Variants in ZFPM2 observed in about 807,000 individuals in gnomAD.
ZFPM2 encodes zinc finger protein, FOG family member 2.
In ZFPM2, 20 loss-of-function variants were observed where a neutral mutation model predicts 98.6. The observed-to-expected ratio is 0.20, with a 90% CI of 0.14 to 0.29. ZFPM2 has a LOEUF of 0.29. ZFPM2 is among the 10% of genes least tolerant of loss of function. The pLI is 1.00. For missense variants in ZFPM2, 1,310 were observed against 1,388.6 expected, an observed-to-expected ratio of 0.94 and a Z score of 0.90; for synonymous variants, 518 against 502.7, an observed-to-expected ratio of 1.03 and a Z score of -0.41.
At chr8:105,565,502 T>G (rs1815225346) in intron 4 of ZFPM2, among the ~76,000 whole-genome samples, 1 of 152,162 alleles carries the variant, frequency 6.6e-6, no homozygotes, top group African/African-American at 2.4e-5. Context: ...AATATTTATC[T>G]CCTTTGTTGC....
At chr8:105,721,259 G>C (rs747177175) in intron 5 of ZFPM2, among the ~76,000 whole-genome samples, 1 of 151,892 alleles carries the variant, frequency 6.6e-6, no homozygotes, top group African/African-American at 2.4e-5. Context: ...GAAAAAAATC[G>C]TGTTTAAGTG....
chr8:105,678,850 TAATAG>T (rs1368729031), intron 5 of ZFPM2: 1 of 152,182 alleles, frequency 6.6e-6, no homozygotes, highest in Non-Finnish European at 1.5e-5. Context: ...TAATGCAGCA[TAATAG>T]AATAGAAGCA....
chr8:105,634,555 T>C (rs1190162838), intron 5 of ZFPM2, among the ~76,000 whole-genome samples, 198 bp downstream of exon 5: 2 of 150,026 alleles, frequency 1.3e-5, no homozygotes, highest in African/African-American at 4.9e-5. Flanking sequence ...AAACAAAAAG[T>C]GACATACCAT....
Position 105,444,494 on chromosome 8 carries a change from T to C in ZFPM2, c.301+113T>C, listed in dbSNP as rs1812328626. On this transcript the variant is annotated intron_variant, in intron 3 of 7. Transcript: ENST00000407775. ...AAAAAATGTTTTTGTGTGTGCTGGT[T>C]ACATGAGAGTTTAAATAAAGATTAT... The C allele has an allele frequency of 1.5e-5, 9 of 592,804 alleles. No homozygotes were observed. In the South Asian group the frequency reaches 2.5e-4, roughly 17 times the overall value. 36.7% of individuals were successfully genotyped at this position (592,804 alleles called of 1,614,324 possible).
At chr8:105,496,827 A>G (rs1813478270) in intron 3 of ZFPM2, among the ~76,000 whole-genome samples, 1 of 150,014 alleles carries the variant, frequency 6.7e-6, no homozygotes, top group Non-Finnish European at 1.5e-5. Flanking sequence ...TACTAAAAAT[A>G]CAAAATTAGC....
At chr8:105,420,889 C>T (rs1303056094) in intron 2 of ZFPM2, among the ~76,000 whole-genome samples, 1 of 151,974 alleles carries the variant, frequency 6.6e-6, no homozygotes, top group Non-Finnish European at 1.5e-5. Context: ...TACCTTTTGT[C>T]AATTTAATTC....
chr8:105,786,709 T>A lies in ZFPM2; in HGVS notation c.533-2009T>A, dbSNP rs577765760. On this transcript the variant is annotated intron_variant, in intron 5 of 7. Coordinates refer to ENST00000407775, the MANE Select transcript of ZFPM2 (RefSeq NM_012082.4). ...TTATTTGAAGTTAGTATTTTTGAAT[T>A]TAATTTTACTTATTTACTAAATCTT... 4.8e-4 allele frequency among the ~76,000 whole-genome samples: 73 copies of A among 152,356 alleles called. 2 individuals carry two copies. The South Asian group carries it at 0.015, about 31-fold the overall frequency.
intron 5 of ZFPM2, among the ~76,000 whole-genome samples, chr8:105,644,738 T>G (rs1438491214): frequency 1.3e-5 from 2 of 152,156 alleles, no homozygotes; most frequent in African/African-American, 2.4e-5. Flanking sequence ...AGCTCTCTTC[T>G]GGGTTTGTGG....
At chr8:105,524,926 A>G (rs928555857) in intron 3 of ZFPM2, among the ~76,000 whole-genome samples, 1 of 152,172 alleles carries the variant, frequency 6.6e-6, no homozygotes, top group African/African-American at 2.4e-5. Flanking sequence ...TGGGTTATAA[A>G]TGATGCATTT....
intron 5 of ZFPM2, among the ~76,000 whole-genome samples, chr8:105,650,767 T>A (rs1212779306): frequency 6.6e-6 from 1 of 152,212 alleles, no homozygotes; most frequent in African/African-American, 2.4e-5. Context: ...TCTGTTCTTT[T>A]ACATTTGCTG....
intron 3 of ZFPM2, among the ~76,000 whole-genome samples, chr8:105,483,396 C>CA (rs1813162981): frequency 6.6e-6 from 1 of 151,886 alleles, no homozygotes; most frequent in African/African-American, 2.4e-5. Flanking sequence ...TCGAGACCAG[C>CA]TTGGCCAACA....
chr8:105,403,995 C>G, intron 1 of ZFPM2, among the ~76,000 whole-genome samples: 1 of 25,226 alleles, frequency 4.0e-5, no homozygotes, highest in Admixed American at 4.0e-4. Flanking sequence ...GGTGTTAAAA[C>G]AACAACAACA....
At chr8:105,417,616 G>C (rs1285353602) in intron 1 of ZFPM2, among the ~76,000 whole-genome samples, 1 of 152,024 alleles carries the variant, frequency 6.6e-6, no homozygotes, top group East Asian at 1.9e-4. Context: ...CATTCTTACT[G>C]TTTTATATAT....
At chr8:105,571,895 A>C (rs998556323) in intron 4 of ZFPM2, among the ~76,000 whole-genome samples, 14 of 152,168 alleles carry the variant, frequency 9.2e-5, no homozygotes, top group African/African-American at 3.4e-4. Context: ...TGTAGCTCTC[A>C]GGTGGCATTG....
chr8:105,565,701 T>C (rs192018859), intron 4 of ZFPM2, among the ~76,000 whole-genome samples: 12 of 152,324 alleles, frequency 7.9e-5, no homozygotes, highest in African/African-American at 2.4e-4. Context: ...TCAACTACTT[T>C]TACTAGTCAG....
At chr8:105,432,140 C>T (rs568337337) in intron 2 of ZFPM2, among the ~76,000 whole-genome samples, 10 of 151,640 alleles carry the variant, frequency 6.6e-5, no homozygotes, top group African/African-American at 1.9e-4. Flanking sequence ...ATAGTAGAGA[C>T]GAAGCATAAA....
chr8:105,371,075 T>C (rs1366430340), intron 1 of ZFPM2, among the ~76,000 whole-genome samples: 1 of 152,226 alleles, frequency 6.6e-6, no homozygotes, highest in East Asian at 1.9e-4. Context: ...ACATGAAGCC[T>C]GAATTCAAGA....
At chr8:105,599,036 C>T (rs954351407) in intron 4 of ZFPM2, among the ~76,000 whole-genome samples, 3 of 151,996 alleles carry the variant, frequency 2.0e-5, no homozygotes, top group Non-Finnish European at 2.9e-5. Flanking sequence ...TGGAACACAG[C>T]GTGTATAACA....
intron 4 of ZFPM2, among the ~76,000 whole-genome samples, chr8:105,608,751 C>T (rs758571336): frequency 1.1e-4 from 17 of 151,576 alleles, no homozygotes; most frequent in Admixed American, 3.3e-4. Flanking sequence ...CTTAAAGGAA[C>T]GCAAGGATAT....
Sources: gnomAD v4.1 joint callset for allele counts (sites outside exome capture counted in the v4.1 genomes callset) on GRCh38, gnomAD v4.1.1 for gene constraint, MANE v1.5 for transcripts, NCBI Gene and HGNC (gene_info 2026-07-23, HGNC 2026-07-21) for gene names.